Variants in TCOF1 observed in about 807,000 individuals in gnomAD.
TCOF1 encodes the protein treacle protein.
Under a neutral mutation model 149.0 loss-of-function variants are expected in TCOF1, and 33 were observed. That is an observed-to-expected ratio of 0.22 (90% CI 0.17 to 0.30). The LOEUF (loss-of-function observed/expected upper bound fraction) is 0.30, where lower values mean the gene tolerates loss of function less well. Among genes scored for constraint, TCOF1 ranks in the 10% least tolerant of loss-of-function variants. TCOF1 has a pLI of 1.00. For missense variants in TCOF1, 1,728 were observed against 1,840.7 expected (o/e 0.94, Z 1.12); for synonymous variants, 789 against 738.8 (o/e 1.07, Z -1.10).
intron 17 of TCOF1, 146 bp from the exon 18 acceptor site, chr5:150,387,756 C>A: frequency 8.9e-7 from 1 of 1,122,776 alleles, no homozygotes; most frequent in South Asian, 1.5e-5. Flanking sequence ...GAGGGGGCAC[C>A]CTGGGCAGCT....
chr5:150,383,355 A>G (rs962707801), intron 17 of TCOF1, among the ~76,000 whole-genome samples: 5 of 152,262 alleles, frequency 3.3e-5, no homozygotes, highest in Non-Finnish European at 7.3e-5. Flanking sequence ...GCAGCAGTAC[A>G]CAGTTAAACA....
Position 150,393,387 on chromosome 5 carries a change from T to A in TCOF1, c.3619T>A (p.Tyr1207Asn). 6.2e-7 allele frequency: 1 copy of A among 1,613,996 alleles called. No individual in the cohort carries two copies. The highest frequency in any genetic ancestry group is 1.3e-5 in the African/African-American group (1 of 74,950). Residue 1207 changes from tyrosine to asparagine, a missense_variant, in exon 23 of 27, where the codon TAT becomes AAT. Transcript: ENST00000643257. ...VAPSQSLLSG[Y>N]MTPGLTPANS... ...GCTTCTTCAGTCTCTCCTCTCAGGTTATATGACCCCTGGACTAACCCCAGC... is the reference window on the plus strand; with the variant it reads ...GCTTCTTCAGTCTCTCCTCTCAGGTAATATGACCCCTGGACTAACCCCAGC...
In TCOF1 at chr5:150,392,527, C is replaced by T. The variant is rs1028698748; in HGVS notation, c.3518-178C>T. 6.1e-6 allele frequency: 4 copies of T among 657,638 alleles called. No individual in the cohort carries two copies. The Admixed American group carries it at 7.2e-5, about 12-fold the overall frequency. The allele number at this position is 657,638 out of a possible 1,614,324, so 40.7% of individuals were successfully genotyped here. A position where few individuals can be genotyped will look rare whatever the true frequency, so the allele number is the denominator to read the frequency against. On this transcript the variant is annotated intron_variant, in intron 21 of 26. Transcript: ENST00000643257. ...GCATTCAAATGTCGCACCTAGCATG[C>T]TGTGACTAGCGATAAGTGTGCAAGG...
intron 17 of TCOF1, among the ~76,000 whole-genome samples, chr5:150,383,516 G>C (rs1765657953): frequency 6.6e-6 from 1 of 152,246 alleles, no homozygotes; most frequent in African/African-American, 2.4e-5. Flanking sequence ...TCCTGCCTCT[G>C]TGCACTGGTG....
chr5:150,367,290 G>T (rs1300246086), intron 3 of TCOF1, among the ~76,000 whole-genome samples: 1 of 152,196 alleles, frequency 6.6e-6, no homozygotes, highest in Non-Finnish European at 1.5e-5. Context: ...GGGCGACAGA[G>T]CAGGACTCTG....
chr5:150,370,544 C>T (rs928243780), intron 6 of TCOF1, among the ~76,000 whole-genome samples: 2 of 152,056 alleles, frequency 1.3e-5, no homozygotes, highest in South Asian at 2.1e-4. Context: ...TTTGTGGAGA[C>T]AGGGTTTCAC....
Position 150,367,862 on chromosome 5 carries a change from C to T in TCOF1, c.323C>T (p.Thr108Ile). ...TAKATPRLAS[T>I]NSSVLGADLP... ...CTTGCAGCCCCAAGACTAGCATCTA[C>T]CAACTCCTCAGTCCTGGGGGCGGAC... The change falls in exon 4 of 27, where the codon ACC (threonine) becomes ATC (isoleucine). Residue 108 changes from threonine (T) to isoleucine (I), a missense_variant. Thr to Ile is a moderately conservative substitution (Grantham distance 89, BLOSUM62 -1). Coordinates refer to ENST00000643257, the MANE Select transcript of TCOF1 (RefSeq NM_001371623.1). The T allele has an allele frequency of 1.9e-6, 3 of 1,614,198 alleles. No homozygotes were observed. Among genetic ancestry groups the T allele is most frequent in the Non-Finnish European group, 1.7e-6 (2 of 1,180,026 alleles).
At chr5:150,357,907 C>T in intron 1 of TCOF1, 53 bp downstream of exon 1, 1 of 1,510,226 alleles carries the variant, frequency 6.6e-7, no homozygotes, top group East Asian at 2.6e-5. Context: ...TGGAGATCAG[C>T]GGCCCGCGGC....
In TCOF1 at chr5:150,376,760, T is replaced by A. The variant is rs1190535861; in HGVS notation, c.2340+140T>A. The stretch of plus-strand genomic sequence containing the variant: ...AGCCTCAACACAGCTTCCTTCCCTA[T>A]CTTTCACTCCATGTCTCCTCTGCCC... On this transcript the variant is annotated intron_variant, in intron 14 of 26. Coordinates refer to ENST00000643257, the MANE Select transcript of TCOF1 (RefSeq NM_001371623.1). 5 of 854,060 alleles carry A rather than the reference T, an allele frequency of 5.9e-6. No individual in the cohort carries two copies. In the Admixed American group the frequency reaches 6.0e-5, roughly 10 times the overall value. 52.9% of individuals were successfully genotyped at this position (854,060 alleles called of 1,614,324 possible). A position where few individuals can be genotyped will look rare whatever the true frequency, so the allele number is the denominator to read the frequency against.
intron 18 of TCOF1, among the ~76,000 whole-genome samples, chr5:150,389,537 C>T (rs1371575296): frequency 2.0e-5 from 3 of 152,204 alleles, no homozygotes; most frequent in African/African-American, 7.2e-5. Context: ...CTGCAGATAA[C>T]CACGGGGACT....
chr5:150,387,687 C>T (rs754155427), intron 17 of TCOF1, among the ~76,000 whole-genome samples: 6 of 152,118 alleles, frequency 3.9e-5, no homozygotes, highest in Non-Finnish European at 8.8e-5. Flanking sequence ...CTGTGAGGGT[C>T]AGGTGGGCTC....
At chr5:150,365,605 T>C (rs1761166792) in intron 3 of TCOF1, among the ~76,000 whole-genome samples, 1 of 152,172 alleles carries the variant, frequency 6.6e-6, no homozygotes, top group Non-Finnish European at 1.5e-5. Flanking sequence ...CTGCATGCTA[T>C]TTGAAACACA....
intron 1 of TCOF1, among the ~76,000 whole-genome samples, chr5:150,359,209 T>C (rs373528177): frequency 5.9e-5 from 9 of 152,070 alleles, no homozygotes; most frequent in African/African-American, 2.2e-4. Context: ...TAGCCATGCA[T>C]GGTGGCATGC....
Position 150,375,274 on chromosome 5 carries a change from C to T in TCOF1, c.1489-65C>T. The T allele has an allele frequency of 3.7e-6, 6 of 1,604,096 alleles. No homozygotes were observed. In the South Asian group the frequency reaches 6.6e-5, roughly 18 times the overall value. On this transcript the variant is annotated intron_variant, in intron 10 of 26. Transcript: ENST00000643257. ...CCCTGTGCGGCTGGCTTCGTTTGCT[C>T]TCCTCCCCTCACTCACATTCTCCTT... is the stretch of plus-strand genomic sequence containing the variant.
rs750008725 is a variant in TCOF1 at position 150,379,616 on chromosome 5, C to T, written c.2743C>T (p.Pro915Ser). Residue 915 changes from proline to serine, a missense_variant, in exon 17 of 27, where the codon CCT becomes TCT. Physicochemically the swap from Pro to Ser is moderately conservative, Grantham distance 74 (BLOSUM62 -1). Transcript: ENST00000643257. The part of the protein sequence containing the change: ...ESPRKGAAPT[P>S]PGKTGPSAAQ... ...CCCCAGGAAAGGGGCTGCCCCAACA[C>T]CTCCTGGGAAGACAGGGCCTTCGGC... The T allele has an allele frequency of 6.2e-7, 1 of 1,613,994 alleles. No individual in the cohort carries two copies. Among genetic ancestry groups the T allele is most frequent in the South Asian group, 1.1e-5 (1 of 91,080 alleles).
chr5:150,392,434 CAT>C (rs1239079431), intron 21 of TCOF1: 9 of 609,100 alleles, frequency 1.5e-5, no homozygotes, highest in Admixed American at 3.0e-5. Flanking sequence ...ACTCCAGGGC[CAT>C]GTTTCTGGAA....
In TCOF1 at chr5:150,375,534, A is replaced by C; in HGVS notation, c.1684A>C (p.Thr562Pro). The C allele has an allele frequency of 6.2e-7, 1 of 1,613,934 alleles. No individual in the cohort carries two copies. Among genetic ancestry groups the C allele is most frequent in the East Asian group, 2.2e-5 (1 of 44,880 alleles). The stretch of plus-strand genomic sequence containing the variant: ...AGACAGCAGTGATGGAGAGGTGCCC[A>C]CAGCTGTGGCCCCGGCTCAGGTGAG... ...SSDSSDGEVP[T>P]AVAPAQEKSL... is the part of the protein sequence containing the mutation. Residue 562 changes from threonine (T) to proline (P), a missense_variant, in exon 11 of 27, where the codon ACA becomes CCA. Physicochemically the swap from Thr to Pro is conservative, Grantham distance 38. Around this residue, in one of 2 missense-constraint regions of TCOF1, gnomAD observed 1,696 missense variants for 1,765.4 expected, o/e 0.96. Coordinates refer to ENST00000643257, the MANE Select transcript of TCOF1 (RefSeq NM_001371623.1).
At chr5:150,383,190 T>G in intron 17 of TCOF1, 2 of 1,528,524 alleles carry the variant, frequency 1.3e-6, no homozygotes, top group Non-Finnish European at 8.8e-7. Flanking sequence ...ATGCCTTCTC[T>G]CTGCAGATGC....
chr5:150,369,509 C>A lies in TCOF1; in HGVS notation c.566-20C>A. On this transcript the variant is annotated intron_variant, in intron 5 of 26. Coordinates refer to ENST00000643257, the MANE Select transcript of TCOF1 (RefSeq NM_001371623.1). ...GGCTGGAAAGGGAGTCCCTCAGTCCCCTCCGTGTCCGATCCTCAGGGATGG... is the reference window on the plus strand; with the variant it reads ...GGCTGGAAAGGGAGTCCCTCAGTCCACTCCGTGTCCGATCCTCAGGGATGG... The A allele has an allele frequency of 6.2e-7, 1 of 1,613,922 alleles. No individual in the cohort carries two copies. The highest frequency in any genetic ancestry group is 1.3e-5 in the African/African-American group (1 of 75,016).
Sources: allele counts gnomAD v4.1 joint callset (sites outside exome capture counted in the v4.1 genomes callset), GRCh38; gene constraint gnomAD v4.1.1; regional missense constraint gnomAD v4.1.1; transcripts MANE v1.5; gene names NCBI Gene and HGNC (gene_info 2026-07-23, HGNC 2026-07-21).